BRCA2: variants seen among roughly 807,000 people sequenced by gnomAD.
BRCA2 encodes the protein BRCA2 DNA repair associated, also known as breast cancer type 2 susceptibility protein.
In BRCA2, 203 loss-of-function variants were observed where a neutral mutation model predicts 276.7. The ratio of observed to expected loss-of-function variants is 0.73; its 90% CI spans 0.65 to 0.82. The LOEUF is 0.82. BRCA2 is among the 40% of genes least tolerant of loss of function. The probability of loss-of-function intolerance (pLI) is 0.00; values close to 1 mark genes in which losing one functional copy is unlikely to be tolerated. For synonymous variants in BRCA2, 1,289 were observed against 1,338.4 expected (o/e 0.96, Z 0.81); for missense variants, 3,920 against 3,915.0 (o/e 1.00, Z -0.03).
In BRCA2 at chr13:32,332,141, AACC is replaced by A. The variant is rs1403818141; in HGVS notation, c.794-130_794-128del. The A allele has an allele frequency of 2.1e-5, 19 of 899,838 alleles. No homozygotes were observed. The Admixed American group carries it at 6.4e-4, about 30-fold the overall frequency. The allele number at this position is 899,838 out of a possible 1,614,324, so 55.7% of individuals were successfully genotyped here. ...AAATAAAATGCCAAGTACTCAGAAT[AACC>A]CTTTAAATACTGATATGTAATATTT... On this transcript the variant is annotated intron_variant, in intron 9 of 26. Coordinates refer to ENST00000380152, the MANE Select transcript of BRCA2 (RefSeq NM_000059.4).
intron 20 of BRCA2, among the ~76,000 whole-genome samples, chr13:32,371,356 A>G (rs192283147): frequency 1.3e-3 from 201 of 152,180 alleles, no homozygotes; most frequent in African/African-American, 4.7e-3. Context: ...CATTTTTGTC[A>G]TGGTAGTTAT....
chr13:32,375,941 A>G (rs1274445579), intron 20 of BRCA2, among the ~76,000 whole-genome samples: 2 of 152,164 alleles, frequency 1.3e-5, no homozygotes, highest in Non-Finnish European at 2.9e-5. Flanking sequence ...TTGTGTTAGG[A>G]GTCATGAAAA....
In BRCA2 at chr13:32,391,098, G is replaced by T. The variant is rs779079886; in HGVS notation, c.9257-3591G>T. Reference sequence around the variant, plus strand: ...ATTTGAGAGTTGGGCTTAAAACAGGGACATCTGTATTTTTAATCTAATGCT... The same window carrying T: ...ATTTGAGAGTTGGGCTTAAAACAGGTACATCTGTATTTTTAATCTAATGCT... On this transcript the variant is annotated intron_variant, in intron 24 of 26. Coordinates refer to ENST00000380152, the MANE Select transcript of BRCA2 (RefSeq NM_000059.4). 1.6e-4 allele frequency among the ~76,000 whole-genome samples: 24 copies of T among 152,250 alleles called. No individual in the cohort carries two copies. The Middle Eastern group carries it at 0.01, about 65-fold the overall frequency.
In BRCA2 at chr13:32,363,326, T is replaced by G. The variant is rs587780662; in HGVS notation, c.8124T>G (p.Thr2708=). 11 of 1,614,180 alleles carry G rather than the reference T, an allele frequency of 6.8e-6. No homozygotes were observed. The highest frequency in any genetic ancestry group is 9.3e-6 in the Non-Finnish European group (11 of 1,180,018). Residue 2708 remains threonine, a synonymous_variant, in exon 18 of 27, where the codon ACT becomes ACG. Coordinates refer to ENST00000380152, the MANE Select transcript of BRCA2 (RefSeq NM_000059.4). The part of the protein sequence containing the change: ...ANISETSSNK[T]SSADTQKVAI... ...TATCTGAAACTTCTAGCAATAAAAC[T>G]AGTAGTGCAGATACCCAAAAAGTGG...
Position 32,370,576 on chromosome 13 carries a change from A to G in BRCA2, c.8487+19A>G, listed in dbSNP as rs11571743. The G allele has an allele frequency of 1.8e-3, 2,863 of 1,600,540 alleles. 50 individuals carry two copies. The African/African-American group carries it at 0.034, about 19-fold the overall frequency. Reference sequence around the variant, plus strand: ...TATACAGGTATGATGTATTCTTGAAACTTACCATATATTTCTTTCTTTTGA... The same window carrying G: ...TATACAGGTATGATGTATTCTTGAAGCTTACCATATATTTCTTTCTTTTGA... On this transcript the variant is annotated intron_variant, in intron 19 of 26. Coordinates refer to ENST00000380152, the MANE Select transcript of BRCA2 (RefSeq NM_000059.4).
chr13:32,371,553 A>G (rs1222637802), intron 20 of BRCA2, among the ~76,000 whole-genome samples: 1 of 152,026 alleles, frequency 6.6e-6, no homozygotes, highest in Non-Finnish European at 1.5e-5. Context: ...AACATGTTCT[A>G]TAGGACATGT....
chr13:32,393,814 T>C (rs1300155350), intron 24 of BRCA2, among the ~76,000 whole-genome samples: 1 of 152,184 alleles, frequency 6.6e-6, no homozygotes, highest in Non-Finnish European at 1.5e-5. Flanking sequence ...TGTTGGTTGG[T>C]TTATTGGGTA....
intron 3 of BRCA2, among the ~76,000 whole-genome samples, chr13:32,321,921 C>G (rs559761155): frequency 6.6e-6 from 1 of 152,152 alleles, no homozygotes; most frequent in African/African-American, 2.4e-5. Flanking sequence ...CTCTTTTTCA[C>G]CTAGTTCATT....
rs1131692137 is a variant in BRCA2 at position 32,357,816 on chromosome 13, T to C, written c.7692T>C (p.Thr2564=). The C allele has an allele frequency of 1.2e-6, 2 of 1,613,898 alleles. No individual in the cohort carries two copies. Among genetic ancestry groups the C allele is most frequent in the Non-Finnish European group, 1.7e-6 (2 of 1,179,800 alleles). ...SKNAESFQFH[T]EDYFGKESLW... is the part of the protein sequence containing the mutation. ...ATGCAGAGTCTTTTCAGTTTCACACTGAAGATTATTTTGGTAAGGAAAGTT... is the reference window on the plus strand; with the variant it reads ...ATGCAGAGTCTTTTCAGTTTCACACCGAAGATTATTTTGGTAAGGAAAGTT... Residue 2564 remains threonine (T), a synonymous_variant, in exon 16 of 27, where the codon ACT becomes ACC. Transcript: ENST00000380152.
Position 32,337,059 on chromosome 13 carries a change from G to T in BRCA2, c.2704G>T (p.Ala902Ser), listed in dbSNP as rs768648043. 4 of 1,605,664 alleles carry T rather than the reference G, an allele frequency of 2.5e-6. No homozygotes were observed. Among genetic ancestry groups the T allele is most frequent in the Non-Finnish European group, 3.4e-6 (4 of 1,177,810 alleles). Residue 902 changes from alanine (A) to serine (S), a missense_variant, in exon 11 of 27, where the codon GCT (alanine) becomes TCT (serine). By Grantham distance (99) the Ala-to-Ser change is moderately conservative. Around this residue, in one of 2 missense-constraint regions of BRCA2, gnomAD observed 3,263 missense variants for 3,156.9 expected, o/e 1.03. Coordinates refer to ENST00000380152, the MANE Select transcript of BRCA2 (RefSeq NM_000059.4). ...AGTAGCTAATGAAAGGAATAATCTTGCTTTAGGAAATACTAAGGAACTTCA... is the reference window on the plus strand; with the variant it reads ...AGTAGCTAATGAAAGGAATAATCTTTCTTTAGGAAATACTAAGGAACTTCA... The part of the protein sequence containing the change: ...FQVANERNNL[A>S]LGNTKELHET...
intron 7 of BRCA2, among the ~76,000 whole-genome samples, chr13:32,327,442 T>C (rs1199877001): frequency 6.7e-6 from 1 of 149,724 alleles, no homozygotes; most frequent in Non-Finnish European, 1.5e-5. Flanking sequence ...GAGGCTGAGG[T>C]GGGAGGATCA....
chr13:32,398,801 C>G lies in BRCA2; in HGVS notation c.*31C>G, dbSNP rs573123419. 1.2e-6 allele frequency: 2 copies of G among 1,609,164 alleles called. No individual in the cohort carries two copies. Among genetic ancestry groups the G allele is most frequent in the Non-Finnish European group, 1.7e-6 (2 of 1,178,270 alleles). ...TGCAAAGGCGACAATAAATTATTGA[C>G]GCTTAACCTTTCCAGTTTATAAGAC... On this transcript the variant is annotated 3_prime_UTR_variant, in exon 27 of 27. Coordinates refer to ENST00000380152, the MANE Select transcript of BRCA2 (RefSeq NM_000059.4).
intron 20 of BRCA2, among the ~76,000 whole-genome samples, chr13:32,376,439 T>G (rs1300954267): frequency 6.6e-6 from 1 of 151,524 alleles, no homozygotes; most frequent in African/African-American, 2.4e-5. Flanking sequence ...GAGAACCACT[T>G]GAACCCAGGA....
At chr13:32,344,925 A>G (rs544292265) in intron 12 of BRCA2, among the ~76,000 whole-genome samples, 1 of 152,282 alleles carries the variant, frequency 6.6e-6, no homozygotes. Context: ...CATTTGGAAG[A>G]TATGAGTTCA....
rs879255472 is a variant in BRCA2, at chr13:32,380,130, G to A, written c.9241G>A (p.Val3081Ile). 3 of 1,612,410 alleles carry A rather than the reference G, an allele frequency of 1.9e-6. No homozygotes were observed. In the East Asian group the frequency reaches 6.7e-5, roughly 36 times the overall value. The stretch of plus-strand genomic sequence containing the variant: ...GGACCTAATAGGATTTGTCGTTTCT[G>A]TTGTGAAAAAAACAGGTAATGCACA... ...EVDLIGFVVSVVKKTGLAPFV... is the reference protein window; with the variant it reads ...EVDLIGFVVSIVKKTGLAPFV... The change falls in exon 24 of 27, where the codon GTT becomes ATT. Residue 3081 changes from valine (V) to isoleucine (I), a missense_variant. Around this residue, in one of 2 missense-constraint regions of BRCA2, gnomAD observed 657 missense variants for 758.2 expected, o/e 0.87. Coordinates refer to ENST00000380152, the MANE Select transcript of BRCA2 (RefSeq NM_000059.4).
chr13:32,355,470 C>A, intron 14 of BRCA2, 182 bp downstream of exon 14: 1 of 301,726 alleles, frequency 3.3e-6, no homozygotes, highest in Non-Finnish European at 4.9e-6. Context: ...TCAAAGATAA[C>A]TTCTTGTGGA....
intron 20 of BRCA2, among the ~76,000 whole-genome samples, chr13:32,373,568 A>G (rs1226051793): frequency 6.6e-6 from 1 of 152,200 alleles, no homozygotes; most frequent in African/African-American, 2.4e-5. Flanking sequence ...CACTGCACCC[A>G]GGCCAGTCAT....
chr13:32,342,247 T>A (rs1281075713), intron 11 of BRCA2, among the ~76,000 whole-genome samples: 1 of 140,974 alleles, frequency 7.1e-6, no homozygotes, highest in Non-Finnish European at 1.5e-5. Flanking sequence ...CTCTCCAGCC[T>A]GGGCAACAGA....
rs780721021 is a variant in BRCA2 at position 32,340,778 on chromosome 13, T to G, written c.6423T>G (p.Gly2141=). ...CAAATAACTTAAATGTTGAAGGTGGTTCTTCAGAAAATAATCACTCTATTA... is the reference window on the plus strand; with the variant it reads ...CAAATAACTTAAATGTTGAAGGTGGGTCTTCAGAAAATAATCACTCTATTA... ...KLSNNLNVEG[G]SSENNHSIKV... The change falls in exon 11 of 27, where the codon GGT becomes GGG. Residue 2141 remains glycine, a synonymous_variant. Transcript: ENST00000380152. The G allele has an allele frequency of 2.5e-6, 4 of 1,594,680 alleles. No homozygotes were observed. The East Asian group carries it at 8.9e-5, about 36-fold the overall frequency.
Sources: allele counts gnomAD v4.1 joint callset (sites outside exome capture counted in the v4.1 genomes callset), GRCh38; gene constraint gnomAD v4.1.1; regional missense constraint gnomAD v4.1.1; transcripts MANE v1.5; gene names NCBI Gene and HGNC (gene_info 2026-07-23, HGNC 2026-07-21).